The following PARP12 variants were observed in gnomAD, a reference collection of about 807,000 sequenced individuals.
The protein encoded by PARP12 is poly(ADP-ribose) polymerase family member 12.
In PARP12, 59 loss-of-function variants were observed where a neutral mutation model predicts 72.4. That is an observed-to-expected ratio of 0.81 (90% CI 0.66 to 1.01). The LOEUF (loss-of-function observed/expected upper bound fraction) is 1.01. PARP12 is among the 50% of genes least tolerant of loss of function. PARP12 has a pLI of 0.00. For synonymous variants in PARP12, 403 were observed against 371.4 expected, an observed-to-expected ratio of 1.09 and a Z score of -0.98; for missense variants, 851 against 914.0, an observed-to-expected ratio of 0.93 and a Z score of 0.89.
intron 3 of PARP12, among the ~76,000 whole-genome samples, chr7:140,056,454 C>A (rs999957731): frequency 2.6e-5 from 4 of 152,076 alleles, no homozygotes; most frequent in African/African-American, 9.7e-5. Context: ...GAATACAACA[C>A]AAGGAATGCT....
intron 6 of PARP12, among the ~76,000 whole-genome samples, chr7:140,038,555 C>T (rs1245519572): frequency 6.6e-6 from 1 of 152,126 alleles, no homozygotes; most frequent in Non-Finnish European, 1.5e-5. Context: ...ATTGTCCTCA[C>T]AGGGCTGGAG....
rs897609109 is a variant in PARP12 at position 140,039,939 on chromosome 7, G to C, written c.1182+1705C>G. Among the ~76,000 whole-genome samples, 6 of 152,184 alleles carry C rather than the reference G, an allele frequency of 3.9e-5. No individual in the cohort carries two copies. The East Asian group carries it at 7.7e-4, about 20-fold the overall frequency. On this transcript the variant is annotated intron_variant, in intron 6 of 11. Transcript: ENST00000263549. ...CACAGAGGAAGAGGAGCACAGGAAAGAAAGGGGCACGCTCCAGGTGTTGGC... is the reference window on the plus strand; with the variant it reads ...CACAGAGGAAGAGGAGCACAGGAAACAAAGGGGCACGCTCCAGGTGTTGGC...
intron 1 of PARP12, among the ~76,000 whole-genome samples, chr7:140,061,991 G>A (rs1240583717): frequency 1.3e-5 from 2 of 150,426 alleles, no homozygotes; most frequent in Non-Finnish European, 1.5e-5. Context: ...CCCGGGGGGG[G>A]GGGGGTGTTC....
In PARP12 at chr7:140,054,664, T is replaced by C. The variant is rs770028402; in HGVS notation, c.860A>G (p.Gln287Arg). The change falls in exon 4 of 12, where the codon CAA becomes CGA. Residue 287 changes from glutamine (Q) to arginine (R), a missense_variant and splice_region_variant. By Grantham distance (43) the Gln-to-Arg change is conservative. This residue lies in a region of PARP12 where 492 missense variants were observed against 489.3 expected (regional missense o/e 1.01). Transcript: ENST00000263549. ...LYHIRKSCSF[Q>R]DKCHRVHFHL... ...TGAAGGAGCCTCTTCCAACTTACCTTGAAAGCTACAACTTTTCCGGATATG... is the reference window on the plus strand; with the variant it reads ...TGAAGGAGCCTCTTCCAACTTACCTCGAAAGCTACAACTTTTCCGGATATG... 1.2e-6 allele frequency: 2 copies of C among 1,610,640 alleles called. No homozygotes were observed. The highest frequency in any genetic ancestry group is 1.7e-6 in the Non-Finnish European group (2 of 1,176,880).
chr7:140,029,185 T>C (rs1001210194), intron 8 of PARP12: 2 of 153,426 alleles, frequency 1.3e-5, no homozygotes, highest in Non-Finnish European at 2.9e-5. Flanking sequence ...TGACTGAAGT[T>C]AGTAAGAGGC....
At chr7:140,025,495 A>G in intron 11 of PARP12, 1 of 431,200 alleles carries the variant, frequency 2.3e-6, no homozygotes, top group Non-Finnish European at 4.7e-6. Context: ...AATGTTCTCA[A>G]CTTGGTAAGC....
At position 140,034,344 on chromosome 7, in the gene PARP12, A is replaced by G; in HGVS notation, c.1325-13T>C. 8.1e-6 allele frequency: 13 copies of G among 1,596,994 alleles called. No individual in the cohort carries two copies. The highest frequency in any genetic ancestry group is 1.1e-5 in the Non-Finnish European group (13 of 1,169,596). On this transcript the variant is annotated splice_polypyrimidine_tract_variant and intron_variant, in intron 7 of 11. Coordinates refer to ENST00000263549, the MANE Select transcript of PARP12 (RefSeq NM_022750.4). ...TTCTGAACGAAGGCTGAAAAAAAAC[A>G]TAACCAGTGAAAAAATATACATATA... is the stretch of plus-strand genomic sequence containing the variant.
chr7:140,049,711 T>C (rs117140163), intron 4 of PARP12, among the ~76,000 whole-genome samples: 2,538 of 152,276 alleles, frequency 0.017, 33 homozygotes, highest in Non-Finnish European at 0.027. Context: ...GCTTCCGTTC[T>C]GAAACAAAGC....
chr7:140,034,402 T>A (rs1291063922), intron 7 of PARP12, 71 bp from the exon 8 acceptor site: 50 of 1,278,512 alleles, frequency 3.9e-5, no homozygotes, highest in Non-Finnish European at 5.3e-5. Flanking sequence ...CAATGTTTTA[T>A]AAACACAAAT....
rs776856537 is a variant in PARP12, at chr7:140,024,819, G to A, written c.1847C>T (p.Thr616Met). 9.3e-6 allele frequency: 15 copies of A among 1,614,034 alleles called. No individual in the cohort carries two copies. Among genetic ancestry groups the A allele is most frequent in the African/African-American group, 2.7e-5 (2 of 74,922 alleles). ...HYSKSDTQTH[T>M]MFLARVLVGE... ...CACCAGCACCCGGGCCAGGAACATC[G>A]TGTGGGTCTGCGTGTCGGATTTGCT... The change falls in exon 12 of 12, where the codon ACG (threonine) becomes ATG (methionine). Residue 616 changes from threonine (T) to methionine (M), a missense_variant. Physicochemically the swap from Thr to Met is moderately conservative, Grantham distance 81. Around this residue, in one of 3 missense-constraint regions of PARP12, gnomAD observed 347 missense variants for 396.1 expected, o/e 0.88. Coordinates refer to ENST00000263549, the MANE Select transcript of PARP12 (RefSeq NM_022750.4).
intron 11 of PARP12, 123 bp downstream of exon 11, chr7:140,026,074 C>T (rs1815727048): frequency 7.1e-7 from 1 of 1,410,698 alleles, no homozygotes; most frequent in South Asian, 1.2e-5. Context: ...CCAGGTACCA[C>T]CACACATGGA....
At chr7:140,031,826 C>G (rs1315535939) in intron 8 of PARP12, among the ~76,000 whole-genome samples, 2 of 152,118 alleles carry the variant, frequency 1.3e-5, no homozygotes, top group Non-Finnish European at 2.9e-5. Context: ...AAAATGACTT[C>G]CAGAAATAGG....
intron 5 of PARP12, among the ~76,000 whole-genome samples, chr7:140,042,399 A>T (rs1055477470): frequency 1.2e-4 from 18 of 152,236 alleles, no homozygotes; most frequent in Non-Finnish European, 2.5e-4. Flanking sequence ...CACCTGAGCC[A>T]CCAGGACACG....
intron 11 of PARP12, chr7:140,025,158 A>T: frequency 2.2e-6 from 1 of 451,552 alleles, no homozygotes; most frequent in Admixed American, 3.4e-5. Context: ...ACGAAACCTA[A>T]AGGCCTGTGG....
chr7:140,041,950 C>T (rs1816492679), intron 5 of PARP12, 111 bp from the exon 6 acceptor site: 4 of 945,518 alleles, frequency 4.2e-6, no homozygotes, highest in Admixed American at 2.6e-5. Flanking sequence ...GTGGCATGCA[C>T]ATTTTAGAAA....
chr7:140,062,769 G>A lies in PARP12; in HGVS notation c.79C>T (p.Arg27Trp), dbSNP rs752244990. Residue 27 changes from arginine to tryptophan, a missense_variant, in exon 1 of 12, where the codon CGG becomes TGG. Physicochemically the swap from Arg to Trp is moderately radical, Grantham distance 101. Coordinates refer to ENST00000263549, the MANE Select transcript of PARP12 (RefSeq NM_022750.4). ...AGGALELPELRRRLRMGLSAD... is the reference protein window; with the variant it reads ...AGGALELPELWRRLRMGLSAD... ...CTCAAGCCCATCCGCAAGCGGCGCCGCAGCTCGGGCAACTCCAGGGCGCCC... is the reference window on the plus strand; with the variant it reads ...CTCAAGCCCATCCGCAAGCGGCGCCACAGCTCGGGCAACTCCAGGGCGCCC... 2.9e-6 allele frequency: 4 copies of A among 1,394,138 alleles called. No homozygotes were observed. The highest frequency in any genetic ancestry group is 1.9e-6 in the Non-Finnish European group (2 of 1,069,524). 86.4% of individuals were successfully genotyped at this position (1,394,138 alleles called of 1,614,324 possible).
rs149657062 is a variant in PARP12 at position 140,037,491 on chromosome 7, C to A, written c.1324+224G>T. Among the ~76,000 whole-genome samples the A allele has an allele frequency of 1.5e-3, 231 of 152,338 alleles. No homozygotes were observed. Among genetic ancestry groups the A allele is most frequent in the Non-Finnish European group, 2.9e-3 (200 of 68,026 alleles). ...TTGTCCTCCACACTTGGGGCTCCTG[C>A]CCCTCCTGGGGTCCATTCTCCTCAC... On this transcript the variant is annotated intron_variant, in intron 7 of 11. Coordinates refer to ENST00000263549, the MANE Select transcript of PARP12 (RefSeq NM_022750.4).
chr7:140,025,046 G>C lies in PARP12; in HGVS notation c.1781-161C>G, dbSNP rs975660558. Among the ~76,000 whole-genome samples, 3 of 152,118 alleles carry C rather than the reference G, an allele frequency of 2.0e-5. No homozygotes were observed. The South Asian group carries it at 6.2e-4, about 31-fold the overall frequency. ...GTGCCATGTCTCCACTCTCCCTCATGAAGTCACATGCATCAGTGATACCAA... is the reference window on the plus strand; with the variant it reads ...GTGCCATGTCTCCACTCTCCCTCATCAAGTCACATGCATCAGTGATACCAA... On this transcript the variant is annotated intron_variant, in intron 11 of 11. Coordinates refer to ENST00000263549, the MANE Select transcript of PARP12 (RefSeq NM_022750.4).
At chr7:140,039,872 C>G (rs1040122522) in intron 6 of PARP12, among the ~76,000 whole-genome samples, 2 of 150,954 alleles carry the variant, frequency 1.3e-5, no homozygotes, top group Non-Finnish European at 2.9e-5. Flanking sequence ...GCGGTTCATC[C>G]CCAGACATTC....
Sources: allele counts gnomAD v4.1 joint callset (sites outside exome capture counted in the v4.1 genomes callset), GRCh38; gene constraint gnomAD v4.1.1; regional missense constraint gnomAD v4.1.1; transcripts MANE v1.5; gene names NCBI Gene and HGNC (gene_info 2026-07-23, HGNC 2026-07-21).